The following DISC1 variants were observed in gnomAD, a reference collection of about 807,000 sequenced individuals.
DISC1 encodes disrupted in schizophrenia 1 protein.
DISC1 carries 57 observed loss-of-function variants against 84.5 expected under a neutral mutation model. That is an observed-to-expected ratio of 0.67 (90% CI 0.55 to 0.84). The LOEUF (loss-of-function observed/expected upper bound fraction) is 0.84. DISC1 is among the 40% of genes least tolerant of loss of function. The probability of loss-of-function intolerance (pLI) is 0.00; values close to 1 mark genes in which losing one functional copy is unlikely to be tolerated. For synonymous variants in DISC1, 411 were observed against 415.2 expected (o/e 0.99, Z 0.12); for missense variants, 1,000 against 1,057.8 (o/e 0.95, Z 0.76).
intron 3 of DISC1, among the ~76,000 whole-genome samples, chr1:231,730,795 AG>A (rs2071417077): frequency 6.6e-6 from 1 of 152,238 alleles, no homozygotes; most frequent in Non-Finnish European, 1.5e-5. Context: ...GTCATTTATC[AG>A]CTGTGCACCT....
chr1:231,646,058 C>CTT (rs80314007), intron 1 of DISC1, among the ~76,000 whole-genome samples: 1 of 146,196 alleles, frequency 6.8e-6, no homozygotes, highest in Non-Finnish European at 1.5e-5. Context: ...ATGTACTTTT[C>CTT]TTTTTTTTTT....
intron 11 of DISC1, among the ~76,000 whole-genome samples, chr1:232,011,934 T>C (rs1668054818): frequency 6.6e-6 from 1 of 152,166 alleles, no homozygotes; most frequent in South Asian, 2.1e-4. Flanking sequence ...TTAGGCCTCT[T>C]ACAGGCCGCA....
chr1:231,782,026 G>T (rs1263142152), intron 6 of DISC1, among the ~76,000 whole-genome samples: 5 of 152,210 alleles, frequency 3.3e-5, no homozygotes, highest in Non-Finnish European at 7.3e-5. Context: ...CTGCTAAGAT[G>T]ACCCAAAGCA....
At chr1:231,627,067 G>A in intron 1 of DISC1, 133 bp downstream of exon 1, 1 of 592,074 alleles carries the variant, frequency 1.7e-6, no homozygotes, top group Non-Finnish European at 2.7e-6. Flanking sequence ...GAGGGAAACT[G>A]AGGCAGGACG....
chr1:231,974,596 A>G (rs1662522981), intron 10 of DISC1, among the ~76,000 whole-genome samples: 1 of 152,202 alleles, frequency 6.6e-6, no homozygotes, highest in South Asian at 2.1e-4. Flanking sequence ...AAGAATCCCT[A>G]GAAAAACCTG....
rs567479374 is a variant in DISC1, at chr1:231,803,320, C to G, written c.1792+3110C>G. ...AGGTCTGAATTCAGACACTGGTATG[C>G]ATCTCTATTAATGTGTAATAAGTGG... On this transcript the variant is annotated intron_variant, in intron 8 of 12. Transcript: ENST00000439617. Among the ~76,000 whole-genome samples the G allele has an allele frequency of 3.3e-5, 5 of 152,262 alleles. No homozygotes were observed. The South Asian group carries it at 1.0e-3, about 32-fold the overall frequency.
intron 3 of DISC1, among the ~76,000 whole-genome samples, chr1:231,708,137 A>G (rs1334001503): frequency 6.6e-6 from 1 of 152,222 alleles, no homozygotes; most frequent in Admixed American, 6.5e-5. Context: ...GGATTAAGGA[A>G]TACCTTGAAA....
Position 231,720,370 on chromosome 1 carries a change from C to T in DISC1, c.1117+18346C>T, listed in dbSNP as rs137919463. 1.7e-3 allele frequency among the ~76,000 whole-genome samples: 254 copies of T among 152,154 alleles called. 1 individual carries two copies. The highest frequency in any genetic ancestry group is 5.8e-3 in the African/African-American group (240 of 41,496). On this transcript the variant is annotated intron_variant, in intron 3 of 12. Transcript: ENST00000439617. ...ATTTTTTTTCTTTAAGACAGGGTCTCGCTTTGTTGTCCAGCTGGGGTGCAG... is the reference window on the plus strand; with the variant it reads ...ATTTTTTTTCTTTAAGACAGGGTCTTGCTTTGTTGTCCAGCTGGGGTGCAG...
Position 231,675,615 on chromosome 1 carries a change from C to T in DISC1, c.68-18211C>T, listed in dbSNP as rs747922017. On this transcript the variant is annotated intron_variant, in intron 1 of 12. Coordinates refer to ENST00000439617, the MANE Select transcript of DISC1 (RefSeq NM_018662.3). This position sits in a 1 kb window ranked among gnomAD's most constrained non-coding sequence, Gnocchi z 4.1. ...AGAAGGTACCAGTGTACCACTGGGC[C>T]GCATCCTTAAAGATGGTGCTGTGAG... 2.8e-4 allele frequency among the ~76,000 whole-genome samples: 42 copies of T among 152,186 alleles called. 1 individual carries two copies. The highest frequency in any genetic ancestry group is 6.0e-4 in the African/African-American group (25 of 41,526).
chr1:231,828,246 C>G (rs936178647), intron 9 of DISC1, among the ~76,000 whole-genome samples: 1 of 152,192 alleles, frequency 6.6e-6, no homozygotes, highest in Non-Finnish European at 1.5e-5. Flanking sequence ...GACAGGGTGA[C>G]TGAAATCTTG....
intron 5 of DISC1, among the ~76,000 whole-genome samples, chr1:231,768,849 A>G (rs2125445902): frequency 6.6e-6 from 1 of 152,346 alleles, no homozygotes. Context: ...GAGTCTACTC[A>G]TTGAGAAGTG....
chr1:231,762,457 C>T (rs1345494686), intron 4 of DISC1, among the ~76,000 whole-genome samples: 1 of 151,446 alleles, frequency 6.6e-6, no homozygotes, highest in Admixed American at 6.6e-5. Context: ...ACTTCAGCCT[C>T]CCAAGTAGCT....
At chr1:231,659,425 C>T (rs945995014) in intron 1 of DISC1, among the ~76,000 whole-genome samples, 13 of 151,772 alleles carry the variant, frequency 8.6e-5, no homozygotes, top group Admixed American at 3.9e-4. Context: ...TTCAAAAAAC[C>T]AGTTTCTGGA....
rs1667997849 is a variant in DISC1, at chr1:232,011,297, T to A, written c.2307+2248T>A. On this transcript the variant is annotated intron_variant, in intron 11 of 12. Transcript: ENST00000439617. ...ATCCTAGGTCCTGTGGTGGCTGCTG[T>A]TTGGGTGCTCCAGGGGTCCCCCAGA... Among the ~76,000 whole-genome samples, 6 of 152,222 alleles carry A rather than the reference T, an allele frequency of 3.9e-5. No homozygotes were observed. In the South Asian group the frequency reaches 1.2e-3, roughly 32 times the overall value.
intron 10 of DISC1, among the ~76,000 whole-genome samples, chr1:231,973,418 C>T (rs76077496): frequency 5.1e-4 from 78 of 152,312 alleles, no homozygotes; most frequent in Non-Finnish European, 8.5e-4. Context: ...GCAAAGGTCT[C>T]GAAGCAGCAA....
intron 9 of DISC1, among the ~76,000 whole-genome samples, chr1:231,904,611 A>G (rs1205537310): frequency 6.6e-6 from 1 of 152,212 alleles, no homozygotes; most frequent in East Asian, 1.9e-4. Flanking sequence ...ATGCATTTAT[A>G]TGTCTACTCC....
At chr1:231,958,956 A>G (rs1329920891) in intron 10 of DISC1, 68 bp downstream of exon 10, 12 of 1,520,502 alleles carry the variant, frequency 7.9e-6, no homozygotes, top group African/African-American at 1.4e-5. Context: ...AACAGAATTT[A>G]GTTAAATCGA....
intron 11 of DISC1, 83 bp from the exon 12 acceptor site, chr1:232,026,352 G>C: frequency 1.1e-6 from 1 of 894,718 alleles, no homozygotes. Context: ...GAAACTGGGA[G>C]AGCTCTTTCC....
Position 232,009,159 on chromosome 1 carries a change from A to C in DISC1, c.2307+110A>C. ...ATTGGGAAGGCTTCCCATTGAGCATATAAACTTTTAAAAGTTTCAATAACT... is the reference window on the plus strand; with the variant it reads ...ATTGGGAAGGCTTCCCATTGAGCATCTAAACTTTTAAAAGTTTCAATAACT... On this transcript the variant is annotated intron_variant, in intron 11 of 12. Coordinates refer to ENST00000439617, the MANE Select transcript of DISC1 (RefSeq NM_018662.3). The surrounding 1 kb of genome is among the most constrained non-coding windows in gnomAD (Gnocchi z 4.6). The C allele has an allele frequency of 6.6e-7, 1 of 1,507,130 alleles. No individual in the cohort carries two copies. The highest frequency in any genetic ancestry group is 8.9e-7 in the Non-Finnish European group (1 of 1,125,346). The allele number at this position is 1,507,130 out of a possible 1,614,324, so 93.4% of individuals were successfully genotyped here.
Sources: allele counts gnomAD v4.1 joint callset (sites outside exome capture counted in the v4.1 genomes callset), GRCh38; gene constraint gnomAD v4.1.1; non-coding constraint Gnocchi (gnomAD v3.1); transcripts MANE v1.5; gene names NCBI Gene and HGNC (gene_info 2026-07-23, HGNC 2026-07-21).